The following FXYD3 variants were observed in gnomAD, a reference collection of about 807,000 sequenced individuals.
The protein encoded by FXYD3 is FXYD domain containing ion transport regulator 3, also known as FXYD domain-containing ion transport regulator 3.
A neutral mutation model predicts 19.2 loss-of-function variants in FXYD3; 13 were observed. The ratio of observed to expected loss-of-function variants is 0.68; its 90% CI spans 0.44 to 1.08. The LOEUF (loss-of-function observed/expected upper bound fraction) is 1.08. FXYD3 is among the 50% of genes least tolerant of loss of function. The probability of loss-of-function intolerance (pLI) is 0.00; values close to 1 mark genes in which losing one functional copy is unlikely to be tolerated. For missense variants in FXYD3, 101 were observed against 109.4 expected (o/e 0.92, Z 0.34); for synonymous variants, 48 against 38.9 (o/e 1.23, Z -0.87).
intron 3 of FXYD3, among the ~76,000 whole-genome samples, chr19:35,120,404 T>C (rs2065015656): frequency 6.6e-6 from 1 of 152,142 alleles, no homozygotes; most frequent in Non-Finnish European, 1.5e-5. Flanking sequence ...CCTTCCAAAG[T>C]TTTGGGATTA....
At chr19:35,119,489 C>A in intron 3 of FXYD3, 73 bp downstream of exon 3, 1 of 1,360,672 alleles carries the variant, frequency 7.3e-7, no homozygotes, top group Non-Finnish European at 1.1e-6. Context: ...TGTCTCTCTC[C>A]TGTGCTTTTC....
Position 35,123,303 on chromosome 19 carries a change from C to T in FXYD3, c.242C>T (p.Thr81Ile). 6.2e-7 allele frequency: 1 copy of T among 1,609,772 alleles called. No homozygotes were observed. The highest frequency in any genetic ancestry group is 1.1e-5 in the South Asian group (1 of 90,192). ...HHPGETPPLITPGSAQS is the reference protein window; with the variant it reads ...HHPGETPPLIIPGSAQS ...CCAGGGGAGACTCCACCTCTCATCA[C>T]CCCAGGTAAGATGGGGCAGCATGGG... The change falls in exon 8 of 9, where the codon ACC becomes ATC. Residue 81 changes from threonine (T) to isoleucine (I), a missense_variant. Coordinates refer to ENST00000604404, the MANE Select transcript of FXYD3 (RefSeq NM_005971.4).
At chr19:35,122,575 C>T (rs947916296) in intron 5 of FXYD3, 190 bp from the exon 6 acceptor site, 6 of 606,730 alleles carry the variant, frequency 9.9e-6, no homozygotes, top group African/African-American at 7.4e-5. Context: ...CTGCCTGACC[C>T]TGCACGACAG....
rs1320004062 is a variant in FXYD3 at position 35,123,979 on chromosome 19, G to T, written c.*522G>T. 6.0e-6 allele frequency: 1 copy of T among 167,904 alleles called. No individual in the cohort carries two copies. The highest frequency in any genetic ancestry group is 2.4e-5 in the African/African-American group (1 of 41,848). The allele number at this position is 167,904 out of a possible 1,614,324, so 10.4% of individuals were successfully genotyped here. On this transcript the variant is annotated 3_prime_UTR_variant, in exon 9 of 9. Transcript: ENST00000604404. ...GGACATAGGATCGTCCCGCTATGATGGAAGTGTTCAGACAGTTTATAATAG... is the reference window on the plus strand; with the variant it reads ...GGACATAGGATCGTCCCGCTATGATTGAAGTGTTCAGACAGTTTATAATAG...
At chr19:35,119,491 G>T (rs1032630967) in intron 3 of FXYD3, 75 bp downstream of exon 3, 1 of 1,365,774 alleles carries the variant, frequency 7.3e-7, no homozygotes, top group Non-Finnish European at 1.0e-6. Flanking sequence ...TCTCTCTCCT[G>T]TGCTTTTCTA....
intron 2 of FXYD3, 143 bp from the exon 3 acceptor site, chr19:35,119,220 A>G (rs762726782): frequency 3.8e-6 from 6 of 1,598,222 alleles, no homozygotes; most frequent in Non-Finnish European, 5.1e-6. Context: ...CTTATCTCTC[A>G]GCCCAGCGAG....
In FXYD3 at chr19:35,122,773, A is replaced by G. The variant is rs1283967300; in HGVS notation, c.106A>G (p.Ser36Gly). Residue 36 changes from serine to glycine, a missense_variant, in exon 6 of 9, where the codon AGC becomes GGC. By Grantham distance (56) the Ser-to-Gly change is moderately conservative. Coordinates refer to ENST00000604404, the MANE Select transcript of FXYD3 (RefSeq NM_005971.4). ...CTCCACTTTCCTCCTAGACTGGCAC[A>G]GCCTCCAGGTTGGCGGGCTCATCTG... ...KNSPFYYDWHSLQVGGLICAG... is the reference protein window; with the variant it reads ...KNSPFYYDWHGLQVGGLICAG... The G allele has an allele frequency of 1.9e-6, 3 of 1,613,348 alleles. No individual in the cohort carries two copies. The Admixed American group carries it at 5.0e-5, about 27-fold the overall frequency.
intron 2 of FXYD3, among the ~76,000 whole-genome samples, chr19:35,117,766 G>C (rs370035157): frequency 5.4e-5 from 1 of 18,410 alleles, no homozygotes; most frequent in Non-Finnish European, 1.2e-4. Context: ...GCAAAAAAAG[G>C]AAAAGAAATG....
chr19:35,117,175 C>T, intron 2 of FXYD3: 8 of 1,385,878 alleles, frequency 5.8e-6, no homozygotes, highest in Non-Finnish European at 6.5e-6. Flanking sequence ...CAGACAACAG[C>T]CTGAATGGGG....
chr19:35,116,142 T>C (rs1157551879), intron 1 of FXYD3, 122 bp from the exon 2 acceptor site: 1 of 729,548 alleles, frequency 1.4e-6, no homozygotes, highest in East Asian at 1.3e-4. Flanking sequence ...GCTGCTGTGG[T>C]CCTGGTGACC....
At chr19:35,118,631 C>A in intron 2 of FXYD3, 1 of 967,916 alleles carries the variant, frequency 1.0e-6, no homozygotes, top group Non-Finnish European at 1.2e-6. Flanking sequence ...GGGACCCCGG[C>A]TAGGCAGAGC....
chr19:35,119,650 T>G, intron 3 of FXYD3: 1 of 537,394 alleles, frequency 1.9e-6, no homozygotes. Flanking sequence ...CTTCTTTTTT[T>G]TTGGCTTTTT....
At position 35,123,533 on chromosome 19, in the gene FXYD3, C is replaced by T; in HGVS notation, c.*76C>T. The T allele has an allele frequency of 6.0e-6, 9 of 1,496,982 alleles. No homozygotes were observed. The highest frequency in any genetic ancestry group is 4.5e-5 in the East Asian group (2 of 44,304). 92.7% of individuals were successfully genotyped at this position (1,496,982 alleles called of 1,614,324 possible). On this transcript the variant is annotated 3_prime_UTR_variant, in exon 9 of 9. Coordinates refer to ENST00000604404, the MANE Select transcript of FXYD3 (RefSeq NM_005971.4). Reference sequence around the variant, plus strand: ...TCCTGTCTCTGCACAGAAACTTGAACTCCAGGATGGAATTCTTCCTCCTCT... The same window carrying T: ...TCCTGTCTCTGCACAGAAACTTGAATTCCAGGATGGAATTCTTCCTCCTCT...
chr19:35,123,497 C>T lies in FXYD3; in HGVS notation c.*40C>T. 1.2e-6 allele frequency: 2 copies of T among 1,611,076 alleles called. No individual in the cohort carries two copies. The highest frequency in any genetic ancestry group is 1.7e-6 in the Non-Finnish European group (2 of 1,177,274). On this transcript the variant is annotated 3_prime_UTR_variant, in exon 9 of 9. Coordinates refer to ENST00000604404, the MANE Select transcript of FXYD3 (RefSeq NM_005971.4). Reference sequence around the variant, plus strand: ...CTGAAATTGGGTGGAGGACCGTTCTCTGTCCCCAGGTCCTGTCTCTGCACA... The same window carrying T: ...CTGAAATTGGGTGGAGGACCGTTCTTTGTCCCCAGGTCCTGTCTCTGCACA...
chr19:35,117,527 G>A, intron 2 of FXYD3: 1 of 713,764 alleles, frequency 1.4e-6, no homozygotes, highest in Non-Finnish European at 2.1e-6. Flanking sequence ...CTGAGAAAAT[G>A]CCCCCATGGG....
In FXYD3 at chr19:35,123,776, C is replaced by T. The variant is rs1431682577; in HGVS notation, c.*319C>T. 3 of 474,844 alleles carry T rather than the reference C, an allele frequency of 6.3e-6. No homozygotes were observed. In the East Asian group the frequency reaches 1.1e-4, roughly 18 times the overall value. The allele number at this position is 474,844 out of a possible 1,614,324, so 29.4% of individuals were successfully genotyped here. A position where few individuals can be genotyped will look rare whatever the true frequency, so the allele number is the denominator to read the frequency against. On this transcript the variant is annotated 3_prime_UTR_variant, in exon 9 of 9. Transcript: ENST00000604404. Reference sequence around the variant, plus strand: ...CTGAGCCTGCTTGTTGGGAAAAGCCCACAGGCCTGTTCCCTTGTGGCTTGG... The same window carrying T: ...CTGAGCCTGCTTGTTGGGAAAAGCCTACAGGCCTGTTCCCTTGTGGCTTGG...
chr19:35,121,461 G>A (rs544655626), intron 5 of FXYD3: 32 of 1,469,868 alleles, frequency 2.2e-5, no homozygotes, highest in Middle Eastern at 2.2e-4. Context: ...ATAGACACAC[G>A]CAGGAGGTGA....
chr19:35,117,054 C>A, intron 2 of FXYD3: 1 of 985,342 alleles, frequency 1.0e-6, no homozygotes, highest in Non-Finnish European at 1.2e-6. Flanking sequence ...GCCTTGGGAC[C>A]TCATGGCCAG....
chr19:35,119,584 G>T, intron 3 of FXYD3, 168 bp downstream of exon 3: 1 of 610,530 alleles, frequency 1.6e-6, no homozygotes, highest in African/African-American at 1.8e-5. Context: ...GGGGATACAC[G>T]AGAAGAGCTG....
Sources: allele counts gnomAD v4.1 joint callset (sites outside exome capture counted in the v4.1 genomes callset), GRCh38; gene constraint gnomAD v4.1.1; transcripts MANE v1.5; gene names NCBI Gene and HGNC (gene_info 2026-07-23, HGNC 2026-07-21).